LNPEP: variants seen among roughly 807,000 people sequenced by gnomAD.
LNPEP encodes the protein leucyl-cystinyl aminopeptidase.
LNPEP carries 64 observed loss-of-function variants against 120.6 expected under a neutral mutation model. The observed-to-expected ratio is 0.53, with a 90% CI of 0.43 to 0.65. The LOEUF is 0.65. LNPEP is among the 30% of genes least tolerant of loss of function. The pLI is 0.00. For synonymous variants in LNPEP, 435 were observed against 425.4 expected, an observed-to-expected ratio of 1.02 and a Z score of -0.28; for missense variants, 1,057 against 1,200.0, an observed-to-expected ratio of 0.88 and a Z score of 1.76.
intron 1 of LNPEP, among the ~76,000 whole-genome samples, chr5:96,976,077 C>T (rs980405663): frequency 6.6e-6 from 1 of 152,090 alleles, no homozygotes; most frequent in Non-Finnish European, 1.5e-5. Context: ...AAGGGGTAAT[C>T]ATGTGTTATG....
chr5:96,994,694 C>A (rs1410820535), intron 6 of LNPEP, among the ~76,000 whole-genome samples: 2 of 152,124 alleles, frequency 1.3e-5, no homozygotes, highest in African/African-American at 4.8e-5. Context: ...ATGACAGTGG[C>A]AGGATATGAA....
intron 13 of LNPEP, among the ~76,000 whole-genome samples, chr5:97,018,888 GT>G (rs1240257675): frequency 6.6e-6 from 1 of 152,090 alleles, no homozygotes; most frequent in East Asian, 1.9e-4. Flanking sequence ...CATTTCAATT[GT>G]GTTAAATTGT....
chr5:97,017,982 T>A (rs896858551), intron 13 of LNPEP, among the ~76,000 whole-genome samples: 11 of 152,140 alleles, frequency 7.2e-5, no homozygotes, highest in Admixed American at 5.9e-4. Context: ...GTGTTCTCCC[T>A]GTGTTTCTGT....
At chr5:96,994,389 T>TGGGGC (rs1790459620) in intron 6 of LNPEP, among the ~76,000 whole-genome samples, 1 of 151,964 alleles carries the variant, frequency 6.6e-6, no homozygotes, top group African/African-American at 2.4e-5. Context: ...CATTGCCCAG[T>TGGGGC]ATAACTTTGT....
Position 96,996,439 on chromosome 5 carries a change from A to G in LNPEP, c.1457A>G (p.Asn486Ser). 6 of 1,612,314 alleles carry G rather than the reference A, an allele frequency of 3.7e-6. No individual in the cohort carries two copies. Among genetic ancestry groups the G allele is most frequent in the Non-Finnish European group, 5.1e-6 (6 of 1,178,700 alleles). ...TMKWWNDLWL[N>S]EGFATFMEYF... ...AAGTGGTGGAATGACCTATGGCTAA[A>G]TGAAGGTTTTGCCACTTTCATGGAG... The change falls in exon 7 of 18, where the codon AAT (asparagine) becomes AGT (serine). Residue 486 changes from asparagine to serine, a missense_variant. Physicochemically the swap from Asn to Ser is conservative, Grantham distance 46. Coordinates refer to ENST00000231368, the MANE Select transcript of LNPEP (RefSeq NM_005575.3).
intron 1 of LNPEP, among the ~76,000 whole-genome samples, chr5:96,970,610 ATTT>A (rs140336797): frequency 6.6e-6 from 1 of 151,152 alleles, no homozygotes; most frequent in Non-Finnish European, 1.5e-5. Flanking sequence ...TCCTTTATTC[ATTT>A]TTTTTGGATT....
At chr5:97,001,945 G>C (rs42983) in intron 8 of LNPEP, among the ~76,000 whole-genome samples, 84,269 of 151,862 alleles carry the variant, frequency 0.55, 23,503 homozygotes, top group East Asian at 0.63. Flanking sequence ...TTCAAGAACA[G>C]TCTGTCCAAC....
Position 96,996,289 on chromosome 5 carries a change from T to C in LNPEP, c.1408-101T>C, listed in dbSNP as rs984105804. Reference sequence around the variant, plus strand: ...GTATCAGTATATCTTTAAGATATTGTAATCAGGTTATAGATAATTAATATG... The same window carrying C: ...GTATCAGTATATCTTTAAGATATTGCAATCAGGTTATAGATAATTAATATG... On this transcript the variant is annotated intron_variant, in intron 6 of 17. Transcript: ENST00000231368. 1.2e-5 allele frequency: 8 copies of C among 685,036 alleles called. No homozygotes were observed. The African/African-American group carries it at 1.3e-4, about 11-fold the overall frequency. The allele number at this position is 685,036 out of a possible 1,614,324, so 42.4% of individuals were successfully genotyped here.
In LNPEP at chr5:97,034,812, A is replaced by G. The variant is rs115438158; in HGVS notation, c.*6279A>G. ...TATGACCACTTAGGTACTTAATAGT[A>G]ATAAAGTTGAGATTGACTCTATGAA... On this transcript the variant is annotated 3_prime_UTR_variant, in exon 18 of 18. Coordinates refer to ENST00000231368, the MANE Select transcript of LNPEP (RefSeq NM_005575.3). The G allele has an allele frequency of 7.4e-3, 1,121 of 152,206 alleles. 21 individuals carry two copies. The highest frequency in any genetic ancestry group is 0.026 in the African/African-American group (1,065 of 41,546). 9.4% of individuals were successfully genotyped at this position (152,206 alleles called of 1,614,324 possible).
chr5:96,993,914 T>C lies in LNPEP; in HGVS notation c.1350T>C (p.Ser450=), dbSNP rs568029068. The C allele has an allele frequency of 1.1e-5, 17 of 1,613,938 alleles. No individual in the cohort carries two copies. The Admixed American group carries it at 1.5e-4, about 14-fold the overall frequency. Residue 450 remains serine, a synonymous_variant, in exon 6 of 18, where the codon TCT becomes TCC. Transcript: ENST00000231368. ...EETLLYDSNT[S]SMADRKLVTK... is the part of the protein sequence containing the mutation. ...CACTTCTGTATGACAGTAACACTTC[T>C]TCAATGGCGGATAGAAAGCTGGTGA...
chr5:96,941,777 AC>A (rs2112556297), intron 1 of LNPEP, among the ~76,000 whole-genome samples: 1 of 152,342 alleles, frequency 6.6e-6, no homozygotes, highest in South Asian at 2.1e-4. Flanking sequence ...TCCTAGCAGC[AC>A]CTGAAGGACT....
chr5:97,014,152 A>G (rs1791006615), intron 12 of LNPEP, among the ~76,000 whole-genome samples: 1 of 152,188 alleles, frequency 6.6e-6, no homozygotes, highest in South Asian at 2.1e-4. Flanking sequence ...TTCAAACAGC[A>G]GTTGGTTTAA....
At chr5:97,022,647 T>A (rs555379263) in intron 14 of LNPEP, among the ~76,000 whole-genome samples, 163 bp downstream of exon 14, 42 of 152,126 alleles carry the variant, frequency 2.8e-4, no homozygotes, top group East Asian at 5.8e-4. Flanking sequence ...TTTTTTTTTT[T>A]TTATTATACT....
Position 96,979,269 on chromosome 5 carries a change from T to A in LNPEP, c.151T>A (p.Ser51Thr). 1 of 1,613,898 alleles carries A rather than the reference T, an allele frequency of 6.2e-7. No homozygotes were observed. Among genetic ancestry groups the A allele is most frequent in the Non-Finnish European group, 8.5e-7 (1 of 1,179,878 alleles). The change falls in exon 2 of 18, where the codon TCC becomes ACC. Residue 51 changes from serine to threonine, a missense_variant. By Grantham distance (58) the Ser-to-Thr change is moderately conservative (BLOSUM62 1). Coordinates refer to ENST00000231368, the MANE Select transcript of LNPEP (RefSeq NM_005575.3). The part of the protein sequence containing the change: ...PDEVEYEPRG[S>T]RLLVRGLGEH... ...TGAGGTGGAATATGAGCCCCGGGGT[T>A]CCCGACTGCTGGTGCGGGGTCTTGG...
chr5:97,018,939 G>A (rs1791125408), intron 13 of LNPEP, among the ~76,000 whole-genome samples: 1 of 152,126 alleles, frequency 6.6e-6, no homozygotes, highest in South Asian at 2.1e-4. Flanking sequence ...CCATATTCCT[G>A]TTTTATCACT....
At chr5:96,951,165 G>T (rs1051989287) in intron 1 of LNPEP, among the ~76,000 whole-genome samples, 2 of 151,450 alleles carry the variant, frequency 1.3e-5, no homozygotes, top group Admixed American at 6.6e-5. Context: ...TTGGATTAGG[G>T]CTCTACCCTT....
At chr5:97,005,965 A>T (rs981817297) in intron 9 of LNPEP, 108 bp from the exon 10 acceptor site, 1 of 265,538 alleles carries the variant, frequency 3.8e-6, no homozygotes, top group African/African-American at 2.3e-5. Flanking sequence ...GTCTTTATAG[A>T]TGGTAGGAAA....
intron 13 of LNPEP, among the ~76,000 whole-genome samples, chr5:97,015,948 A>C (rs567411047): frequency 1.3e-5 from 2 of 152,224 alleles, no homozygotes; most frequent in East Asian, 3.9e-4. Context: ...CACAATGTGC[A>C]GGTTTGTTAC....
chr5:97,009,288 TA>T (rs2112651699), intron 11 of LNPEP, among the ~76,000 whole-genome samples: 1 of 152,300 alleles, frequency 6.6e-6, no homozygotes, highest in Admixed American at 6.5e-5. Flanking sequence ...TTAGGTTTTT[TA>T]ATAACATTCT....
Sources: gnomAD v4.1 joint callset for allele counts (sites outside exome capture counted in the v4.1 genomes callset) on GRCh38, gnomAD v4.1.1 for gene constraint, MANE v1.5 for transcripts, NCBI Gene and HGNC (gene_info 2026-07-23, HGNC 2026-07-21) for gene names.